FBXO9: variants seen among roughly 807,000 people sequenced by gnomAD.
FBXO9 encodes F-box protein 9, also known as F-box only protein 9.
Under a neutral mutation model 63.7 loss-of-function variants are expected in FBXO9, and 43 were observed. The ratio of observed to expected loss-of-function variants is 0.67; its 90% CI spans 0.53 to 0.87. The LOEUF (loss-of-function observed/expected upper bound fraction) is 0.87, where lower values mean the gene tolerates loss of function less well. FBXO9 is among the 40% of genes least tolerant of loss of function. The probability of loss-of-function intolerance (pLI) is 0.00; values close to 1 mark genes in which losing one functional copy is unlikely to be tolerated. For missense variants in FBXO9, 442 were observed against 533.2 expected (o/e 0.83, Z 1.68); for synonymous variants, 156 against 171.7 (o/e 0.91, Z 0.72).
intron 5 of FBXO9, among the ~76,000 whole-genome samples, chr6:53,079,134 AC>A (rs1769224005): frequency 6.6e-6 from 1 of 152,228 alleles, no homozygotes; most frequent in African/African-American, 2.4e-5. Context: ...ATACAAAAAA[AC>A]GGTTTAAAAA....
intron 7 of FBXO9, 96 bp downstream of exon 7, chr6:53,082,714 T>G: frequency 1.2e-6 from 1 of 843,898 alleles, no homozygotes; most frequent in East Asian, 2.5e-5. Context: ...TTGATTGGTG[T>G]TCTGAGTTAA....
chr6:53,097,708 C>CTT lies in FBXO9; in HGVS notation c.1206-6_1206-5dup, dbSNP rs200918671. The CTT allele has an allele frequency of 1.2e-5, 18 of 1,451,502 alleles. No homozygotes were observed. The highest frequency in any genetic ancestry group is 2.5e-5 in the East Asian group (1 of 40,798). 89.9% of individuals were successfully genotyped at this position (1,451,502 alleles called of 1,614,324 possible). A position where few individuals can be genotyped will look rare whatever the true frequency, so the allele number is the denominator to read the frequency against. The stretch of plus-strand genomic sequence containing the variant: ...ATTTCCTCATACTAGTAATTTTGTG[C>CTT]TTTTTTTTTACAGATCAACTGGTGA... On this transcript the variant is annotated splice_polypyrimidine_tract_variant and intron_variant, in intron 12 of 12. Transcript: ENST00000323557.
At chr6:53,079,402 G>A (rs1194682351) in intron 5 of FBXO9, among the ~76,000 whole-genome samples, 1 of 152,046 alleles carries the variant, frequency 6.6e-6, no homozygotes, top group African/African-American at 2.4e-5. Context: ...TTCTCTTAAT[G>A]TTTTTAGTAA....
At chr6:53,068,115 A>G (rs1768772836) in intron 1 of FBXO9, 1 of 151,864 alleles carries the variant, frequency 6.6e-6, no homozygotes, top group Non-Finnish European at 1.5e-5. Flanking sequence ...CCCTGAAATA[A>G]CATATGACTA....
intron 3 of FBXO9, among the ~76,000 whole-genome samples, chr6:53,075,563 C>T (rs1769067560): frequency 6.7e-6 from 1 of 149,674 alleles, no homozygotes; most frequent in African/African-American, 2.5e-5. Flanking sequence ...TTATTAATAG[C>T]CATTCTGATA....
chr6:53,082,358 G>C (rs1769343623), intron 6 of FBXO9, 146 bp from the exon 7 acceptor site: 3 of 457,578 alleles, frequency 6.6e-6, no homozygotes, highest in Non-Finnish European at 1.2e-5. Flanking sequence ...TTATTATTGA[G>C]TAGCTAAATA....
chr6:53,097,820 G>C lies in FBXO9; in HGVS notation c.1304G>C (p.Arg435Thr). ...RVRSYTAFSE[R>T]PL Reference sequence around the variant, plus strand: ...AGGAGCTACACAGCTTTCTCAGAAAGGCCTCTGTAGAGCCTCAAGTCCAGT... The same window carrying C: ...AGGAGCTACACAGCTTTCTCAGAAACGCCTCTGTAGAGCCTCAAGTCCAGT... The change falls in exon 13 of 13, where the codon AGG becomes ACG. Residue 435 changes from arginine (R) to threonine (T), a missense_variant. By Grantham distance (71) the Arg-to-Thr change is moderately conservative. This residue lies in a region of FBXO9 where 262 missense variants were observed against 362.1 expected (regional missense o/e 0.72). Transcript: ENST00000323557. 2 of 1,599,396 alleles carry C rather than the reference G, an allele frequency of 1.3e-6. No homozygotes were observed. Among genetic ancestry groups the C allele is most frequent in the African/African-American group, 2.7e-5 (2 of 74,076 alleles).
chr6:53,095,408 C>A, intron 11 of FBXO9, 105 bp from the exon 12 acceptor site: 2 of 1,055,498 alleles, frequency 1.9e-6, no homozygotes, highest in Non-Finnish European at 2.6e-6. Flanking sequence ...CTCTTTACTG[C>A]ATGCAAATAT....
At chr6:53,075,639 T>A (rs1442698571) in intron 3 of FBXO9, among the ~76,000 whole-genome samples, 2 of 150,804 alleles carry the variant, frequency 1.3e-5, no homozygotes, top group Non-Finnish European at 3.0e-5. Context: ...ATGTTGAACA[T>A]CTTTTCATGT....
chr6:53,092,202 C>T (rs1763058878), intron 7 of FBXO9: 1 of 441,734 alleles, frequency 2.3e-6, no homozygotes, highest in Non-Finnish European at 4.1e-6. Context: ...TCTACTTTGT[C>T]TGTTGGTTGA....
At chr6:53,085,935 A>C (rs1009509803) in intron 7 of FBXO9, among the ~76,000 whole-genome samples, 1 of 152,110 alleles carries the variant, frequency 6.6e-6, no homozygotes, top group African/African-American at 2.4e-5. Context: ...GGATTACCTG[A>C]GGCCAGGAGT....
chr6:53,093,432 G>A lies in FBXO9; in HGVS notation c.864-34G>A, dbSNP rs746379483. On this transcript the variant is annotated intron_variant, in intron 9 of 12. Transcript: ENST00000323557. ...GACATATTTTATACTTTGTGTGGGG[G>A]GTGTGTTTTGGTCTTCCTTTTCTTA... 1.2e-5 allele frequency: 17 copies of A among 1,401,202 alleles called. No individual in the cohort carries two copies. The South Asian group carries it at 1.5e-4, about 12-fold the overall frequency. The allele number at this position is 1,401,202 out of a possible 1,614,324, so 86.8% of individuals were successfully genotyped here. A position where few individuals can be genotyped will look rare whatever the true frequency, so the allele number is the denominator to read the frequency against.
intron 7 of FBXO9, 34 bp from the exon 8 acceptor site, chr6:53,092,395 T>C: frequency 6.9e-7 from 1 of 1,459,818 alleles, no homozygotes; most frequent in Admixed American, 1.7e-5. Context: ...TATAGGGACT[T>C]AGTTTTTATT....
intron 9 of FBXO9, 158 bp from the exon 10 acceptor site, chr6:53,093,308 G>A (rs1049517087): frequency 8.1e-6 from 4 of 496,886 alleles, no homozygotes; most frequent in Non-Finnish European, 1.4e-5. Context: ...CTAACAGGTA[G>A]TCAGTAATAT....
intron 1 of FBXO9, chr6:53,066,097 A>G: frequency 8.4e-7 from 1 of 1,186,168 alleles, no homozygotes; most frequent in African/African-American, 1.6e-5. Flanking sequence ...AGTATATTGA[A>G]CCAGTCTCGG....
At chr6:53,076,619 T>TATACCAA in intron 4 of FBXO9, 76 bp downstream of exon 4, 1 of 1,095,146 alleles carries the variant, frequency 9.1e-7, no homozygotes, top group Non-Finnish European at 1.3e-6. Flanking sequence ...TTTTTTTTTC[T>TATACCAA]ATAACTTATT....
At position 53,098,495 on chromosome 6, in the gene FBXO9, A is replaced by G. The variant is rs1322792407; in HGVS notation, c.*665A>G. 6.6e-6 allele frequency: 1 copy of G among 152,274 alleles called. No individual in the cohort carries two copies. The highest frequency in any genetic ancestry group is 2.4e-5 in the African/African-American group (1 of 41,402). 9.4% of individuals were successfully genotyped at this position (152,274 alleles called of 1,614,324 possible). A position where few individuals can be genotyped will look rare whatever the true frequency, so the allele number is the denominator to read the frequency against. On this transcript the variant is annotated 3_prime_UTR_variant, in exon 13 of 13. Coordinates refer to ENST00000323557, the MANE Select transcript of FBXO9 (RefSeq NM_033480.3). ...GTGGCATGCACCTGTAGTCCCAGCT[A>G]TTTGGGAGGCTGATGCAGGAGAATA...
At chr6:53,079,912 A>G (rs928581527) in intron 5 of FBXO9, among the ~76,000 whole-genome samples, 1 of 152,172 alleles carries the variant, frequency 6.6e-6, no homozygotes, top group Admixed American at 6.5e-5. Context: ...TCAGCTAATA[A>G]TATTGTTCAC....
chr6:53,077,197 G>A (rs888589790), intron 4 of FBXO9, among the ~76,000 whole-genome samples: 36 of 152,146 alleles, frequency 2.4e-4, no homozygotes, highest in African/African-American at 7.2e-4. Flanking sequence ...GGTAATGGCC[G>A]GGCGCGGTGG....
Sources: allele counts gnomAD v4.1 joint callset (sites outside exome capture counted in the v4.1 genomes callset), GRCh38; gene constraint gnomAD v4.1.1; regional missense constraint gnomAD v4.1.1; transcripts MANE v1.5; gene names NCBI Gene and HGNC (gene_info 2026-07-23, HGNC 2026-07-21).